The following TTC28 variants were observed in gnomAD, a reference collection of about 807,000 sequenced individuals.
The protein encoded by TTC28 is tetratricopeptide repeat domain 28.
A neutral mutation model predicts 198.0 loss-of-function variants in TTC28; 61 were observed. That is an observed-to-expected ratio of 0.31 (90% CI 0.25 to 0.38). The LOEUF (loss-of-function observed/expected upper bound fraction) is 0.38. Among genes scored for constraint, TTC28 ranks in the 10% least tolerant of loss-of-function variants. The pLI is 1.00. For missense variants in TTC28, 2,678 were observed against 3,164.0 expected, an observed-to-expected ratio of 0.85 and a Z score of 3.69; for synonymous variants, 1,171 against 1,297.8, an observed-to-expected ratio of 0.90 and a Z score of 2.10.
At chr22:28,051,541 C>T (rs1274554262) in intron 12 of TTC28, among the ~76,000 whole-genome samples, 1 of 152,048 alleles carries the variant, frequency 6.6e-6, no homozygotes, top group Non-Finnish European at 1.5e-5. Context: ...GATCTGTTTC[C>T]CCTTCTCTCT....
At chr22:28,073,012 G>T (rs1396092588) in intron 12 of TTC28, among the ~76,000 whole-genome samples, 1 of 152,178 alleles carries the variant, frequency 6.6e-6, no homozygotes, top group Non-Finnish European at 1.5e-5. Flanking sequence ...GGCCAGGCTA[G>T]TTCTGTGGGC....
intron 1 of TTC28, among the ~76,000 whole-genome samples, chr22:28,645,195 T>G (rs2051439102): frequency 6.6e-6 from 1 of 150,896 alleles, no homozygotes. Flanking sequence ...AAACTCCGTC[T>G]CAAAAAAAAA....
At chr22:28,034,509 G>A (rs1275248375) in intron 12 of TTC28, among the ~76,000 whole-genome samples, 1 of 152,102 alleles carries the variant, frequency 6.6e-6, no homozygotes, top group African/African-American at 2.4e-5. Context: ...ATCCTTCATG[G>A]GCCCTTTCTA....
In TTC28 at chr22:28,402,222, C is replaced by T. The variant is rs1389202537; in HGVS notation, c.382-95579G>A. ...TTGGCATGGTAGGCCTAGGAGAACACGTTTCCAGTAGCAGTGGCAGATGGA... is the reference window on the plus strand; with the variant it reads ...TTGGCATGGTAGGCCTAGGAGAACATGTTTCCAGTAGCAGTGGCAGATGGA... On this transcript the variant is annotated intron_variant, in intron 2 of 22. Coordinates refer to ENST00000397906, the MANE Select transcript of TTC28 (RefSeq NM_001145418.2). Among the ~76,000 whole-genome samples the T allele has an allele frequency of 4.6e-5, 7 of 152,314 alleles. No individual in the cohort carries two copies. The East Asian group carries it at 9.6e-4, about 21-fold the overall frequency.
chr22:28,350,120 G>C (rs1342486638), intron 2 of TTC28, among the ~76,000 whole-genome samples: 1 of 152,100 alleles, frequency 6.6e-6, no homozygotes, highest in African/African-American at 2.4e-5. Context: ...ACCTTTCTTT[G>C]TCCCTTCCTA....
chr22:28,007,743 A>G (rs1937985242), intron 14 of TTC28: 1 of 152,320 alleles, frequency 6.6e-6, no homozygotes, highest in Admixed American at 6.5e-5. Context: ...ACCAGCTAGA[A>G]TAGAGCCAGC....
intron 2 of TTC28, among the ~76,000 whole-genome samples, chr22:28,494,994 A>G (rs1234903525): frequency 6.6e-6 from 1 of 152,130 alleles, no homozygotes; most frequent in Non-Finnish European, 1.5e-5. Flanking sequence ...ACTAACCAGA[A>G]GAATTCTGGT....
chr22:28,147,906 T>C (rs1245810711), intron 6 of TTC28, among the ~76,000 whole-genome samples: 1 of 152,216 alleles, frequency 6.6e-6, no homozygotes, highest in African/African-American at 2.4e-5. Flanking sequence ...TCTAGAAAAG[T>C]GGAACTGCAT....
intron 6 of TTC28, among the ~76,000 whole-genome samples, chr22:28,116,914 C>A (rs1186482552): frequency 6.6e-6 from 1 of 152,178 alleles, no homozygotes; most frequent in Non-Finnish European, 1.5e-5. Flanking sequence ...TCAATCCTAC[C>A]CTGCCTCTTC....
rs570477477 is a variant in TTC28 at position 28,383,332 on chromosome 22, C to T, written c.382-76689G>A. Among the ~76,000 whole-genome samples the T allele has an allele frequency of 2.6e-5, 4 of 152,244 alleles. No homozygotes were observed. The East Asian group carries it at 7.7e-4, about 29-fold the overall frequency. Reference sequence around the variant, plus strand: ...GCATTGTTGAGTTTGAGACACTTTCCTTTGTCCGCAGCAGCAATATGTTGA... The same window carrying T: ...GCATTGTTGAGTTTGAGACACTTTCTTTTGTCCGCAGCAGCAATATGTTGA... On this transcript the variant is annotated intron_variant, in intron 2 of 22. Transcript: ENST00000397906.
At chr22:28,655,535 T>C (rs2051631389) in intron 1 of TTC28, among the ~76,000 whole-genome samples, 1 of 152,122 alleles carries the variant, frequency 6.6e-6, no homozygotes, top group African/African-American at 2.4e-5. Context: ...TTTATCAAAT[T>C]ATTTCAAAAA....
At chr22:28,337,355 T>A (rs928828899) in intron 2 of TTC28, among the ~76,000 whole-genome samples, 2 of 152,200 alleles carry the variant, frequency 1.3e-5, no homozygotes, top group African/African-American at 4.8e-5. Context: ...GTCTATTAGG[T>A]CCGCTTGGTG....
chr22:28,137,507 G>A (rs923410938), intron 6 of TTC28, among the ~76,000 whole-genome samples: 3 of 152,080 alleles, frequency 2.0e-5, no homozygotes, highest in Admixed American at 2.0e-4. Context: ...AACAAACACT[G>A]TGAGTAGTTC....
chr22:28,531,754 C>T (rs1386440594), intron 2 of TTC28, among the ~76,000 whole-genome samples: 2 of 152,204 alleles, frequency 1.3e-5, no homozygotes, highest in South Asian at 2.1e-4. Context: ...GATTAAGAAA[C>T]TCACTCGAAA....
chr22:28,413,566 G>A (rs2047120457), intron 2 of TTC28, among the ~76,000 whole-genome samples: 2 of 152,064 alleles, frequency 1.3e-5, no homozygotes, highest in African/African-American at 4.8e-5. Context: ...CAATACCAGA[G>A]GCAGCTTGGA....
At chr22:28,081,676 G>A (rs1941368982) in intron 12 of TTC28, among the ~76,000 whole-genome samples, 1 of 152,000 alleles carries the variant, frequency 6.6e-6, no homozygotes, top group Non-Finnish European at 1.5e-5. Flanking sequence ...ACATTTAGTA[G>A]AGACGAGATT....
intron 2 of TTC28, among the ~76,000 whole-genome samples, chr22:28,316,622 T>C (rs929762616): frequency 1.3e-5 from 2 of 152,208 alleles, no homozygotes; most frequent in Non-Finnish European, 2.9e-5. Flanking sequence ...ATTTATTTCA[T>C]GAGCATTTTT....
rs556705363 is a variant in TTC28, at chr22:28,284,135, G to A, written c.933+12063C>T. On this transcript the variant is annotated intron_variant, in intron 5 of 22. Coordinates refer to ENST00000397906, the MANE Select transcript of TTC28 (RefSeq NM_001145418.2). ...GCCAGGAGATGTGAGCTCCTCAAAG[G>A]CAAGAATGATGGCATATTCATCTTT... Among the ~76,000 whole-genome samples, 9 of 152,222 alleles carry A rather than the reference G, an allele frequency of 5.9e-5. No homozygotes were observed. In the South Asian group the frequency reaches 1.9e-3, roughly 32 times the overall value.
At chr22:28,375,584 C>A (rs1032031324) in intron 2 of TTC28, among the ~76,000 whole-genome samples, 23 of 152,140 alleles carry the variant, frequency 1.5e-4, no homozygotes, top group African/African-American at 5.3e-4. Flanking sequence ...AAAAACATTT[C>A]CACTAATAGC....
Sources: gnomAD v4.1 joint callset for allele counts (sites outside exome capture counted in the v4.1 genomes callset) on GRCh38, gnomAD v4.1.1 for gene constraint, MANE v1.5 for transcripts, NCBI Gene and HGNC (gene_info 2026-07-23, HGNC 2026-07-21) for gene names.